KDF1: variants seen among roughly 807,000 people sequenced by gnomAD.
KDF1 encodes RP11-344H11.3.
A neutral mutation model predicts 31.6 loss-of-function variants in KDF1; 11 were observed. The ratio of observed to expected loss-of-function variants is 0.35; its 90% CI spans 0.22 to 0.58. The LOEUF is 0.58. Among genes scored for constraint, KDF1 ranks in the 20% least tolerant of loss-of-function variants. KDF1 has a pLI of 0.83. For missense variants in KDF1, 476 were observed against 549.1 expected, an observed-to-expected ratio of 0.87 and a Z score of 1.33; for synonymous variants, 205 against 214.4, an observed-to-expected ratio of 0.96 and a Z score of 0.38.
rs1409438509 is a variant in KDF1, at chr1:26,950,807, C to T, written c.1040-51G>A. Reference sequence around the variant, plus strand: ...GTGGTCATTAGCACGTTCTTTCAACCCTATTTCCTACTTCTGTTCCCAGCC... The same window carrying T: ...GTGGTCATTAGCACGTTCTTTCAACTCTATTTCCTACTTCTGTTCCCAGCC... On this transcript the variant is annotated intron_variant, in intron 2 of 3. Coordinates refer to ENST00000320567, the MANE Select transcript of KDF1 (RefSeq NM_152365.3). This position sits in a 1 kb window ranked among gnomAD's most constrained non-coding sequence, Gnocchi z 4.0. 6.5e-7 allele frequency: 1 copy of T among 1,531,054 alleles called. No individual in the cohort carries two copies. The highest frequency in any genetic ancestry group is 1.7e-5 in the Admixed American group (1 of 59,722). 94.8% of individuals were successfully genotyped at this position (1,531,054 alleles called of 1,614,324 possible). A position where few individuals can be genotyped will look rare whatever the true frequency, so the allele number is the denominator to read the frequency against.
At position 26,949,717 on chromosome 1, in the gene KDF1, G is replaced by C. The variant is rs1377425538; in HGVS notation, c.*352C>G. ...CTTTTAACTGTTGAATTACCCCAGGGAGGGAGAAGTTTGCATGATTGGTTA... is the reference window on the plus strand; with the variant it reads ...CTTTTAACTGTTGAATTACCCCAGGCAGGGAGAAGTTTGCATGATTGGTTA... On this transcript the variant is annotated 3_prime_UTR_variant, in exon 4 of 4. Transcript: ENST00000320567. 7.9e-6 allele frequency: 2 copies of C among 254,710 alleles called. No homozygotes were observed. The highest frequency in any genetic ancestry group is 1.5e-5 in the Non-Finnish European group (2 of 129,826). 15.8% of individuals were successfully genotyped at this position (254,710 alleles called of 1,614,324 possible).
At position 26,951,165 on chromosome 1, in the gene KDF1, C is replaced by A. The variant is rs920638286; in HGVS notation, c.1039+177G>T. Among the ~76,000 whole-genome samples the A allele has an allele frequency of 6.6e-6, 1 of 152,170 alleles. No homozygotes were observed. Among genetic ancestry groups the A allele is most frequent in the African/African-American group, 2.4e-5 (1 of 41,424 alleles). On this transcript the variant is annotated intron_variant, in intron 2 of 3. Transcript: ENST00000320567. The surrounding 1 kb of genome is among the most constrained non-coding windows in gnomAD (Gnocchi z 5.4). ...TTCTCTCAGCCTTGCTCGGACCTCACCAGGAAGGGCCAGAGTGGGAGCTGG... is the reference window on the plus strand; with the variant it reads ...TTCTCTCAGCCTTGCTCGGACCTCAACAGGAAGGGCCAGAGTGGGAGCTGG...
At chr1:26,956,117 T>G (rs893130671) in intron 1 of KDF1, among the ~76,000 whole-genome samples, 3 of 152,180 alleles carry the variant, frequency 2.0e-5, no homozygotes, top group Non-Finnish European at 4.4e-5. Flanking sequence ...TATCCTTAGC[T>G]TGGATTTTCT....
chr1:26,951,477 T>C lies in KDF1; in HGVS notation c.904A>G (p.Ile302Val), dbSNP rs763566861. 2 of 1,613,874 alleles carry C rather than the reference T, an allele frequency of 1.2e-6. No individual in the cohort carries two copies. Among genetic ancestry groups the C allele is most frequent in the Non-Finnish European group, 1.7e-6 (2 of 1,179,846 alleles). Residue 302 changes from isoleucine to valine, a missense_variant, in exon 2 of 4, where the codon ATT (isoleucine) becomes GTT (valine). Around this residue, in one of 2 missense-constraint regions of KDF1, gnomAD observed 146 missense variants for 216.8 expected, o/e 0.67. Coordinates refer to ENST00000320567, the MANE Select transcript of KDF1 (RefSeq NM_152365.3). The surrounding 1 kb of genome is among the most constrained non-coding windows in gnomAD (Gnocchi z 5.4). ...DAEGRLVRGI[I>V]RISTRKSRAR... ...CGGCTCTTTCGGGTACTAATGCGAA[T>C]GATGCCGCGTACCAGGCGGCCCTCA...
chr1:26,951,680 A>C lies in KDF1; in HGVS notation c.701T>G (p.Met234Arg). The C allele has an allele frequency of 1.2e-6, 2 of 1,613,850 alleles. No homozygotes were observed. The highest frequency in any genetic ancestry group is 8.5e-7 in the Non-Finnish European group (1 of 1,180,028). Residue 234 changes from methionine to arginine, a missense_variant, in exon 2 of 4, where the codon ATG (methionine) becomes AGG (arginine). Met to Arg is a moderately conservative substitution (Grantham distance 91, BLOSUM62 -1). This residue lies in a region of KDF1 where 330 missense variants were observed against 332.3 expected (regional missense o/e 0.99). Transcript: ENST00000320567. This position sits in a 1 kb window ranked among gnomAD's most constrained non-coding sequence, Gnocchi z 5.4. ...LDLPEMGSGS[M>R]SSREIDVLIF... ...GAGCACATCAATTTCTCGGCTCGACATGGAGCCACTGCCCATCTCCGGCAG... is the reference window on the plus strand; with the variant it reads ...GAGCACATCAATTTCTCGGCTCGACCTGGAGCCACTGCCCATCTCCGGCAG...
Position 26,951,262 on chromosome 1 carries a change from G to A in KDF1, c.1039+80C>T, listed in dbSNP as rs547682729. 2.3e-5 allele frequency: 31 copies of A among 1,346,678 alleles called. No homozygotes were observed. In the African/African-American group the frequency reaches 4.4e-4, roughly 19 times the overall value. The allele number at this position is 1,346,678 out of a possible 1,614,324, so 83.4% of individuals were successfully genotyped here. On this transcript the variant is annotated intron_variant, in intron 2 of 3. Transcript: ENST00000320567. This position sits in a 1 kb window ranked among gnomAD's most constrained non-coding sequence, Gnocchi z 5.4. ...ACTGGCTGAGGGGTAGACCCACAGT[G>A]ACTAAAGACCCCATTCCAACCCTCC... is the stretch of plus-strand genomic sequence containing the variant.
At position 26,951,739 on chromosome 1, in the gene KDF1, C is replaced by G; in HGVS notation, c.642G>C (p.Glu214Asp). The change falls in exon 2 of 4, where the codon GAG becomes GAC. Residue 214 changes from glutamate (E) to aspartate (D), a missense_variant. This residue lies in a region of KDF1 where 330 missense variants were observed against 332.3 expected (regional missense o/e 0.99). Coordinates refer to ENST00000320567, the MANE Select transcript of KDF1 (RefSeq NM_152365.3). The surrounding 1 kb of genome is among the most constrained non-coding windows in gnomAD (Gnocchi z 5.4). ...CCGACTCATGGAAAGAATAGTACTC[C>G]TCGGAGCCACGAGGACTACTGGCAA... ...STFASSPRGSEEYYSFHESDL... is the reference protein window; with the variant it reads ...STFASSPRGSDEYYSFHESDL... 1.2e-6 allele frequency: 2 copies of G among 1,614,048 alleles called. No individual in the cohort carries two copies. Among genetic ancestry groups the G allele is most frequent in the Non-Finnish European group, 1.7e-6 (2 of 1,180,038 alleles).
chr1:26,950,647 C>A lies in KDF1; in HGVS notation c.1114+35G>T. On this transcript the variant is annotated intron_variant, in intron 3 of 3. Transcript: ENST00000320567. The surrounding 1 kb of genome is among the most constrained non-coding windows in gnomAD (Gnocchi z 4.0). ...GTGAGGGGCCCCTAGGGTAGTCCCC[C>A]ACCCTCCACACCCCTCATTAGGTCA... 1 of 1,573,624 alleles carries A rather than the reference C, an allele frequency of 6.4e-7. No individual in the cohort carries two copies.
At position 26,950,796 on chromosome 1, in the gene KDF1, G is replaced by T. The variant is rs779213779; in HGVS notation, c.1040-40C>A. 7.0e-6 allele frequency: 11 copies of T among 1,570,674 alleles called. No homozygotes were observed. The highest frequency in any genetic ancestry group is 9.6e-6 in the Non-Finnish European group (11 of 1,140,770). On this transcript the variant is annotated intron_variant, in intron 2 of 3. Coordinates refer to ENST00000320567, the MANE Select transcript of KDF1 (RefSeq NM_152365.3). This position sits in a 1 kb window ranked among gnomAD's most constrained non-coding sequence, Gnocchi z 4.0. The stretch of plus-strand genomic sequence containing the variant: ...TGAGGCAAGCAGTGGTCATTAGCAC[G>T]TTCTTTCAACCCTATTTCCTACTTC...
chr1:26,949,811 G>A lies in KDF1; in HGVS notation c.*258C>T, dbSNP rs1277082612. 1 of 442,782 alleles carries A rather than the reference G, an allele frequency of 2.3e-6. No individual in the cohort carries two copies. The highest frequency in any genetic ancestry group is 3.6e-5 in the Admixed American group (1 of 27,770). 27.4% of individuals were successfully genotyped at this position (442,782 alleles called of 1,614,324 possible). ...TAATGCCTAACTCCTTACTTTCCAT[G>A]ATCAGGCCACCTGAAGACCATGAGC... On this transcript the variant is annotated 3_prime_UTR_variant, in exon 4 of 4. Coordinates refer to ENST00000320567, the MANE Select transcript of KDF1 (RefSeq NM_152365.3).
chr1:26,950,764 G>A lies in KDF1; in HGVS notation c.1040-8C>T. 1 of 1,613,482 alleles carries A rather than the reference G, an allele frequency of 6.2e-7. No individual in the cohort carries two copies. Among genetic ancestry groups the A allele is most frequent in the Non-Finnish European group, 8.5e-7 (1 of 1,179,414 alleles). On this transcript the variant is annotated splice_region_variant and splice_polypyrimidine_tract_variant and intron_variant, in intron 2 of 3. Coordinates refer to ENST00000320567, the MANE Select transcript of KDF1 (RefSeq NM_152365.3). The surrounding 1 kb of genome is among the most constrained non-coding windows in gnomAD (Gnocchi z 4.0). Reference sequence around the variant, plus strand: ...AGATCTGCACTGTCAGCTCTAGGGAGGGAACGTGAGGCAAGCAGTGGTCAT... The same window carrying A: ...AGATCTGCACTGTCAGCTCTAGGGAAGGAACGTGAGGCAAGCAGTGGTCAT...
At position 26,951,026 on chromosome 1, in the gene KDF1, C is replaced by G. The variant is rs1392657942; in HGVS notation, c.1040-270G>C. ...AGACCAGGCCTAGAAGCTACTCTGG[C>G]AGGAGACAGCAGAGGAGAGGAGCCT... is the stretch of plus-strand genomic sequence containing the variant. On this transcript the variant is annotated intron_variant, in intron 2 of 3. Coordinates refer to ENST00000320567, the MANE Select transcript of KDF1 (RefSeq NM_152365.3). This position sits in a 1 kb window ranked among gnomAD's most constrained non-coding sequence, Gnocchi z 5.4. Among the ~76,000 whole-genome samples, 1 of 152,154 alleles carries G rather than the reference C, an allele frequency of 6.6e-6. No individual in the cohort carries two copies. The highest frequency in any genetic ancestry group is 1.5e-5 in the Non-Finnish European group (1 of 68,030).
chr1:26,954,707 C>T (rs371689049), intron 1 of KDF1, among the ~76,000 whole-genome samples: 3 of 149,714 alleles, frequency 2.0e-5, no homozygotes, highest in East Asian at 2.1e-4. Context: ...GTGATGGGCA[C>T]GTGTAATCTC....
At position 26,952,250 on chromosome 1, in the gene KDF1, C is replaced by T; in HGVS notation, c.131G>A (p.Arg44Lys). The change falls in exon 2 of 4, where the codon AGA (arginine) becomes AAA (lysine). Residue 44 changes from arginine (R) to lysine (K), a missense_variant. By Grantham distance (26) the Arg-to-Lys change is conservative. Transcript: ENST00000320567. This position sits in a 1 kb window ranked among gnomAD's most constrained non-coding sequence, Gnocchi z 4.1. ...PQPPPSRRTR[R>K]PDPKDPGHHG... The stretch of plus-strand genomic sequence containing the variant: ...GTGGCCAGGGTCCTTGGGGTCTGGT[C>T]TACGGGTGCGGCGGCTTGGTGGGGG... 6.3e-7 allele frequency: 1 copy of T among 1,594,572 alleles called. No individual in the cohort carries two copies. The highest frequency in any genetic ancestry group is 8.6e-7 in the Non-Finnish European group (1 of 1,168,722).
intron 1 of KDF1, among the ~76,000 whole-genome samples, chr1:26,957,184 C>T (rs1190155196): frequency 6.6e-6 from 1 of 152,196 alleles, no homozygotes; most frequent in Non-Finnish European, 1.5e-5. Context: ...GATCTCCTGC[C>T]CTGGCCTCCC....
At position 26,950,607 on chromosome 1, in the gene KDF1, C is replaced by G. The variant is rs1402923748; in HGVS notation, c.1114+75G>C. On this transcript the variant is annotated intron_variant, in intron 3 of 3. Transcript: ENST00000320567. This position sits in a 1 kb window ranked among gnomAD's most constrained non-coding sequence, Gnocchi z 4.0. ...TCATCCTCATCACCCCAAAAGAAAG[C>G]TGGGAGAGCAGCAGGTGAGGGGCCC... The G allele has an allele frequency of 4.9e-6, 6 of 1,233,376 alleles. No individual in the cohort carries two copies. The East Asian group carries it at 1.2e-4, about 24-fold the overall frequency. The allele number at this position is 1,233,376 out of a possible 1,614,324, so 76.4% of individuals were successfully genotyped here. A position where few individuals can be genotyped will look rare whatever the true frequency, so the allele number is the denominator to read the frequency against.
At chr1:26,955,397 T>C (rs2082373255) in intron 1 of KDF1, among the ~76,000 whole-genome samples, 1 of 152,142 alleles carries the variant, frequency 6.6e-6, no homozygotes. Context: ...AATATTTCAG[T>C]CTTACTCACA....
chr1:26,950,791 AG>A lies in KDF1; in HGVS notation c.1040-36del. ...GAACGTGAGGCAAGCAGTGGTCATT[AG>A]CACGTTCTTTCAACCCTATTTCCTA... On this transcript the variant is annotated intron_variant, in intron 2 of 3. Transcript: ENST00000320567. This position sits in a 1 kb window ranked among gnomAD's most constrained non-coding sequence, Gnocchi z 4.0. The A allele has an allele frequency of 6.3e-7, 1 of 1,586,184 alleles. No individual in the cohort carries two copies. Among genetic ancestry groups the A allele is most frequent in the Non-Finnish European group, 8.7e-7 (1 of 1,154,678 alleles).
In KDF1 at chr1:26,952,103, C is replaced by T. The variant is rs753001226; in HGVS notation, c.278G>A (p.Arg93His). ...GCGCTGGAGGCAATCCCGGCAGCGG[C>T]GGAAGCAGAAGGCAGCCCGGCACCA... ...WEWCRAAFCF[R>H]RCRDCLQRCG... The change falls in exon 2 of 4, where the codon CGC becomes CAC. Residue 93 changes from arginine (R) to histidine (H), a missense_variant. This residue lies in a region of KDF1 where 330 missense variants were observed against 332.3 expected (regional missense o/e 0.99). Transcript: ENST00000320567. The surrounding 1 kb of genome is among the most constrained non-coding windows in gnomAD (Gnocchi z 4.1). The T allele has an allele frequency of 1.2e-5, 19 of 1,613,134 alleles. No homozygotes were observed. Among genetic ancestry groups the T allele is most frequent in the South Asian group, 3.3e-5 (3 of 91,082 alleles).
Sources: gnomAD v4.1 joint callset for allele counts (sites outside exome capture counted in the v4.1 genomes callset) on GRCh38, gnomAD v4.1.1 for gene constraint, gnomAD v4.1.1 regional missense constraint, Gnocchi (gnomAD v3.1) non-coding constraint, MANE v1.5 for transcripts, NCBI Gene and HGNC (gene_info 2026-07-23, HGNC 2026-07-21) for gene names.